Variants in VPS50 observed in about 807,000 individuals in gnomAD.
VPS50 encodes syndetin.
VPS50 carries 70 observed loss-of-function variants against 139.7 expected under a neutral mutation model. The ratio of observed to expected loss-of-function variants is 0.50; its 90% CI spans 0.41 to 0.61. The LOEUF is 0.61. Ranked by LOEUF, VPS50 falls within the 20% of genes least tolerant of loss-of-function variation. VPS50 has a pLI of 0.00. For missense variants in VPS50, 921 were observed against 1,133.7 expected, an observed-to-expected ratio of 0.81 and a Z score of 2.69; for synonymous variants, 365 against 376.7, an observed-to-expected ratio of 0.97 and a Z score of 0.36.
chr7:93,348,727 C>T lies in VPS50; in HGVS notation c.2224C>T (p.Gln742Ter). 6.2e-7 allele frequency: 1 copy of T among 1,611,328 alleles called. No individual in the cohort carries two copies. Among genetic ancestry groups the T allele is most frequent in the Non-Finnish European group, 8.5e-7 (1 of 1,177,636 alleles). Residue 742 changes from glutamine to a stop codon, truncating the protein, a stop_gained, in exon 24 of 28, where the codon CAG becomes TAG. Coordinates refer to ENST00000305866, the MANE Select transcript of VPS50 (RefSeq NM_017667.4). LOFTEE classifies it high-confidence loss of function. ...TCCCTTTAGGGTATTCTTGGCTGAA[C>T]AGTTTGAGTTCCTTCAGCCACATCT... The part of the protein sequence containing the change: ...ATESLVFLAE[Q>*]FEFLQPHLDA...
At chr7:93,327,049 G>A (rs1304517422) in intron 21 of VPS50, among the ~76,000 whole-genome samples, 9 of 152,150 alleles carry the variant, frequency 5.9e-5, no homozygotes, top group African/African-American at 1.9e-4. Context: ...TATTGAGGAA[G>A]ACATTGTAGA....
intron 21 of VPS50, among the ~76,000 whole-genome samples, chr7:93,332,978 A>G (rs917227965): frequency 1.3e-4 from 20 of 152,156 alleles, no homozygotes; most frequent in Non-Finnish European, 2.8e-4. Flanking sequence ...GATAAGGGCA[A>G]AAGGTATGAG....
intron 21 of VPS50, 177 bp from the exon 22 acceptor site, chr7:93,333,940 G>C (rs1798004268): frequency 1.8e-6 from 1 of 547,932 alleles, no homozygotes; most frequent in Non-Finnish European, 3.2e-6. Flanking sequence ...ATGTTTCTTT[G>C]GTTCCCTTGA....
intron 9 of VPS50, among the ~76,000 whole-genome samples, chr7:93,264,176 C>A (rs1795771822): frequency 6.6e-6 from 1 of 152,174 alleles, no homozygotes. Context: ...ACTTCCTCTG[C>A]ACCTGTCTTC....
intron 21 of VPS50, among the ~76,000 whole-genome samples, chr7:93,325,391 C>T (rs1361269826): frequency 6.6e-6 from 1 of 151,946 alleles, no homozygotes; most frequent in African/African-American, 2.4e-5. Flanking sequence ...TAGGCATGGG[C>T]AAGGACTTCA....
At chr7:93,351,059 AC>A (rs1798542058) in intron 25 of VPS50, among the ~76,000 whole-genome samples, 1 of 152,092 alleles carries the variant, frequency 6.6e-6, no homozygotes, top group African/African-American at 2.4e-5. Flanking sequence ...TCCTTCAGTC[AC>A]CCAACTCCCA....
At chr7:93,322,757 T>C (rs1387012895) in intron 20 of VPS50, among the ~76,000 whole-genome samples, 1 of 152,118 alleles carries the variant, frequency 6.6e-6, no homozygotes, top group Non-Finnish European at 1.5e-5. Context: ...TTTTAATAGA[T>C]ATGCTTCTTT....
chr7:93,341,386 T>C (rs1399666855), intron 22 of VPS50, 41 bp from the exon 23 acceptor site: 1 of 1,463,928 alleles, frequency 6.8e-7, no homozygotes, highest in East Asian at 2.4e-5. Flanking sequence ...TTATTACTGT[T>C]AGATTTGTTA....
At chr7:93,238,693 C>A (rs1200345214) in intron 1 of VPS50, among the ~76,000 whole-genome samples, 1 of 152,124 alleles carries the variant, frequency 6.6e-6, no homozygotes, top group Non-Finnish European at 1.5e-5. Context: ...TTACTTTTAA[C>A]AAGTTCCCTG....
At chr7:93,306,247 T>TATC (rs1797113062) in intron 18 of VPS50, among the ~76,000 whole-genome samples, 1 of 151,906 alleles carries the variant, frequency 6.6e-6, no homozygotes, top group East Asian at 1.9e-4. Context: ...ATGATGTTCT[T>TATC]ATCAGGTTGC....
chr7:93,315,151 A>G (rs933781072), intron 20 of VPS50, among the ~76,000 whole-genome samples: 14 of 152,048 alleles, frequency 9.2e-5, no homozygotes, highest in African/African-American at 3.1e-4. Flanking sequence ...TACACTATTT[A>G]TACTGTTTTT....
chr7:93,255,748 A>T (rs1289342482), intron 4 of VPS50, among the ~76,000 whole-genome samples: 2 of 152,206 alleles, frequency 1.3e-5, no homozygotes, highest in Admixed American at 6.5e-5. Context: ...ATGTGAAAGG[A>T]TTAATGCAGT....
At chr7:93,314,569 T>C (rs1273541540) in intron 20 of VPS50, among the ~76,000 whole-genome samples, 3 of 152,170 alleles carry the variant, frequency 2.0e-5, no homozygotes, top group Non-Finnish European at 4.4e-5. Context: ...TGGAAGCAGC[T>C]TGTGAGCAGG....
At chr7:93,294,092 T>A (rs1796731285) in intron 13 of VPS50, among the ~76,000 whole-genome samples, 1 of 152,256 alleles carries the variant, frequency 6.6e-6, no homozygotes, top group Admixed American at 6.5e-5. Flanking sequence ...TGGATAAAAC[T>A]ATTATTTATC....
At chr7:93,341,262 G>T (rs772470113) in intron 22 of VPS50, among the ~76,000 whole-genome samples, 165 bp from the exon 23 acceptor site, 12 of 152,130 alleles carry the variant, frequency 7.9e-5, no homozygotes, top group Non-Finnish European at 1.5e-4. Flanking sequence ...TAAAAAGAAG[G>T]TTCCAATAGT....
At chr7:93,317,413 GGT>G (rs1160890026) in intron 20 of VPS50, among the ~76,000 whole-genome samples, 4 of 152,094 alleles carry the variant, frequency 2.6e-5, no homozygotes, top group African/African-American at 4.8e-5. Flanking sequence ...AGCCAGATGT[GGT>G]GGGGCACTCC....
At chr7:93,234,986 A>C (rs148583840) in intron 1 of VPS50, among the ~76,000 whole-genome samples, 1 of 152,172 alleles carries the variant, frequency 6.6e-6, no homozygotes, top group Non-Finnish European at 1.5e-5. Flanking sequence ...GGTGATAAAC[A>C]CTGTAGAGGA....
At chr7:93,303,590 A>G in intron 17 of VPS50, 40 bp downstream of exon 17, 1 of 895,998 alleles carries the variant, frequency 1.1e-6, no homozygotes, top group Non-Finnish European at 1.8e-6. Flanking sequence ...GTCTTTTAGT[A>G]ATGTATTTTA....
At chr7:93,259,367 T>A (rs530442777) in intron 8 of VPS50, 183 bp from the exon 9 acceptor site, 2 of 445,790 alleles carry the variant, frequency 4.5e-6, no homozygotes, top group South Asian at 1.0e-4. Context: ...TATGTATATA[T>A]TTTAGGCCTG....
Sources: gnomAD v4.1 joint callset for allele counts (sites outside exome capture counted in the v4.1 genomes callset) on GRCh38, gnomAD v4.1.1 for gene constraint, MANE v1.5 for transcripts, NCBI Gene and HGNC (gene_info 2026-07-23, HGNC 2026-07-21) for gene names.